The following SLC24A2 variants were observed in gnomAD, a reference collection of about 807,000 sequenced individuals.
SLC24A2 encodes sodium/potassium/calcium exchanger 2.
SLC24A2 carries 36 observed loss-of-function variants against 62.0 expected under a neutral mutation model. The ratio of observed to expected loss-of-function variants is 0.58; its 90% CI spans 0.44 to 0.77. SLC24A2 has a LOEUF of 0.77. Ranked by LOEUF, SLC24A2 falls within the 30% of genes least tolerant of loss-of-function variation. SLC24A2 has a pLI of 0.00. For synonymous variants in SLC24A2, 358 were observed against 294.0 expected, an observed-to-expected ratio of 1.22 and a Z score of -2.23; for missense variants, 846 against 817.9, an observed-to-expected ratio of 1.03 and a Z score of -0.42.
At chr9:19,882,047 C>A in the SLC24A2 span, among the ~76,000 whole-genome samples, 1 of 152,000 alleles carries the variant, frequency 6.6e-6, no homozygotes, top group Admixed American at 6.5e-5. Flanking sequence ...AATTTTTAAT[C>A]GTTTCAAACA....
At chr9:19,534,398 C>A (rs147258641) in intron 8 of SLC24A2, among the ~76,000 whole-genome samples, 1 of 152,004 alleles carries the variant, frequency 6.6e-6, no homozygotes, top group African/African-American at 2.4e-5. Flanking sequence ...TGGGTACATG[C>A]GCAGAATGTG....
chr9:19,728,296 G>C (rs760987055), intron 2 of SLC24A2, among the ~76,000 whole-genome samples: 1 of 148,824 alleles, frequency 6.7e-6, no homozygotes, highest in Non-Finnish European at 1.5e-5. Flanking sequence ...TAATGAATTA[G>C]TGACAGAAAA....
intron 7 of SLC24A2, among the ~76,000 whole-genome samples, chr9:19,556,842 C>G (rs1238368310): frequency 6.6e-6 from 1 of 152,206 alleles, no homozygotes; most frequent in Non-Finnish European, 1.5e-5. Flanking sequence ...CAAGGCAGAG[C>G]TCATTTGTCT....
the SLC24A2 span, among the ~76,000 whole-genome samples, chr9:20,267,004 C>A: frequency 6.6e-6 from 1 of 150,882 alleles, no homozygotes; most frequent in African/African-American, 2.4e-5. Context: ...ATCACTTGAG[C>A]CCAGGTGTTT....
intron 2 of SLC24A2, among the ~76,000 whole-genome samples, chr9:19,739,251 T>A (rs899894603): frequency 1.3e-5 from 2 of 152,212 alleles, no homozygotes; most frequent in Non-Finnish European, 2.9e-5. Flanking sequence ...GAACAGAGAT[T>A]CTATATTGTA....
At chr9:20,297,358 AAGAAGCAGAT>A in the SLC24A2 span, among the ~76,000 whole-genome samples, 1 of 152,208 alleles carries the variant, frequency 6.6e-6, no homozygotes, top group Non-Finnish European at 1.5e-5. Context: ...CTGAAGACCA[AAGAAGCAGAT>A]TCCAGGGGTC....
chr9:19,642,440 A>G (rs1587083257), intron 2 of SLC24A2, among the ~76,000 whole-genome samples: 1 of 152,130 alleles, frequency 6.6e-6, no homozygotes, highest in East Asian at 1.9e-4. Context: ...TTTAGCATCC[A>G]TGGCCTACAC....
the SLC24A2 span, among the ~76,000 whole-genome samples, chr9:20,112,937 G>C: frequency 6.6e-6 from 1 of 151,966 alleles, no homozygotes; most frequent in Non-Finnish European, 1.5e-5. Context: ...CATGTGGTGA[G>C]AGACACACGG....
the SLC24A2 span, among the ~76,000 whole-genome samples, chr9:19,858,838 T>A: frequency 4.6e-5 from 7 of 152,094 alleles, no homozygotes; most frequent in East Asian, 7.7e-4. Context: ...TATTAAAAAG[T>A]CAAAAAATAG....
chr9:19,895,229 GTT>G, the SLC24A2 span, among the ~76,000 whole-genome samples: 511 of 139,646 alleles, frequency 3.7e-3, 2 homozygotes, highest in East Asian at 0.019. Flanking sequence ...GGTTTATTTT[GTT>G]TTTTTTTTTT....
chr9:20,247,012 T>C, the SLC24A2 span, among the ~76,000 whole-genome samples: 1 of 152,226 alleles, frequency 6.6e-6, no homozygotes, highest in Admixed American at 6.5e-5. Context: ...TATTTTGAAG[T>C]GAGACTCCTT....
At chr9:20,103,119 C>G in the SLC24A2 span, among the ~76,000 whole-genome samples, 4 of 152,310 alleles carry the variant, frequency 2.6e-5, no homozygotes, top group East Asian at 3.9e-4. Context: ...TGAGATCAAA[C>G]TGCAAGGTGG....
the SLC24A2 span, among the ~76,000 whole-genome samples, chr9:19,998,599 C>A: frequency 2.0e-5 from 3 of 152,220 alleles, no homozygotes; most frequent in Admixed American, 6.5e-5. Context: ...GCAGGCCCCG[C>A]TTCCTATGAC....
intron 2 of SLC24A2, among the ~76,000 whole-genome samples, chr9:19,700,220 A>G (rs1202345538): frequency 6.6e-6 from 1 of 152,148 alleles, no homozygotes; most frequent in East Asian, 1.9e-4. Context: ...AACCTCTTTG[A>G]GCCTTAGCCT....
the SLC24A2 span, among the ~76,000 whole-genome samples, chr9:19,824,408 CAT>C: frequency 1.3e-5 from 2 of 152,048 alleles, no homozygotes; most frequent in Non-Finnish European, 2.9e-5. Flanking sequence ...AGCCAACAAA[CAT>C]ATGAAAAAAA....
chr9:19,755,500 G>C (rs1822113094), intron 2 of SLC24A2, among the ~76,000 whole-genome samples: 1 of 152,186 alleles, frequency 6.6e-6, no homozygotes. Context: ...ACCGTACTGT[G>C]TTACGGAAAT....
chr9:20,195,673 T>G, the SLC24A2 span, among the ~76,000 whole-genome samples: 1 of 152,170 alleles, frequency 6.6e-6, no homozygotes, highest in African/African-American at 2.4e-5. Context: ...CCTATGAGTT[T>G]GGCTAGCCCT....
the SLC24A2 span, among the ~76,000 whole-genome samples, chr9:20,126,629 G>A: frequency 6.6e-6 from 1 of 152,106 alleles, no homozygotes; most frequent in African/African-American, 2.4e-5. Context: ...TGCCGGAAAT[G>A]AGTGAGGCTT....
At chr9:20,214,081 A>G in the SLC24A2 span, among the ~76,000 whole-genome samples, 6 of 152,204 alleles carry the variant, frequency 3.9e-5, no homozygotes, top group Non-Finnish European at 7.3e-5. Flanking sequence ...GTAGGTATAT[A>G]CCACAATTTA....
Sources: gnomAD v4.1 joint callset for allele counts (sites outside exome capture counted in the v4.1 genomes callset) on GRCh38, gnomAD v4.1.1 for gene constraint, MANE v1.5 for transcripts, NCBI Gene and HGNC (gene_info 2026-07-23, HGNC 2026-07-21) for gene names.